The following KIAA1549L variants were observed in gnomAD, a reference collection of about 807,000 sequenced individuals.
The protein encoded by KIAA1549L is KIAA1549 like.
KIAA1549L carries 88 observed loss-of-function variants against 160.7 expected under a neutral mutation model. The ratio of observed to expected loss-of-function variants is 0.55; its 90% CI spans 0.46 to 0.65. The LOEUF is 0.65. Among genes scored for constraint, KIAA1549L ranks in the 30% least tolerant of loss-of-function variants. KIAA1549L has a pLI of 0.00. For synonymous variants in KIAA1549L, 950 were observed against 976.7 expected, an observed-to-expected ratio of 0.97 and a Z score of 0.51; for missense variants, 2,258 against 2,437.5, an observed-to-expected ratio of 0.93 and a Z score of 1.55.
At chr11:33,595,263 G>C (rs572704292) in intron 12 of KIAA1549L, among the ~76,000 whole-genome samples, 1 of 152,256 alleles carries the variant, frequency 6.6e-6, no homozygotes, top group East Asian at 1.9e-4. Context: ...GTCTCATTCT[G>C]TTGCCCAGGC....
chr11:33,629,549 C>T lies in KIAA1549L; in HGVS notation c.5409+10887C>T, dbSNP rs1287692563. 1.7e-4 allele frequency among the ~76,000 whole-genome samples: 26 copies of T among 151,756 alleles called. 1 individual carries two copies. Among genetic ancestry groups the T allele is most frequent in the Admixed American group, 2.0e-4 (3 of 15,234 alleles). Reference sequence around the variant, plus strand: ...TCATTTCATTCATTTCATCTTCCATCGCTGATACCCTTTCTTCCAGTTGAT... The same window carrying T: ...TCATTTCATTCATTTCATCTTCCATTGCTGATACCCTTTCTTCCAGTTGAT... On this transcript the variant is annotated intron_variant, in intron 16 of 20. Transcript: ENST00000658780.
intron 1 of KIAA1549L, among the ~76,000 whole-genome samples, chr11:33,475,006 T>C (rs886319816): frequency 1.3e-5 from 2 of 152,232 alleles, no homozygotes; most frequent in African/African-American, 4.8e-5. Context: ...TCAGGGAATA[T>C]GGTGTTGAGA....
chr11:33,448,773 T>C (rs1172592584), intron 1 of KIAA1549L, among the ~76,000 whole-genome samples: 1 of 152,216 alleles, frequency 6.6e-6, no homozygotes, highest in Non-Finnish European at 1.5e-5. Flanking sequence ...GATTTCCAAG[T>C]ACTGCATTTG....
chr11:33,407,224 A>AT (rs1850682362), intron 1 of KIAA1549L, among the ~76,000 whole-genome samples: 1 of 147,940 alleles, frequency 6.8e-6, no homozygotes, highest in Non-Finnish European at 1.5e-5. Context: ...AGCTGGGACT[A>AT]CAGGCGCCTG....
intron 1 of KIAA1549L, among the ~76,000 whole-genome samples, chr11:33,517,622 A>G (rs1350129312): frequency 6.6e-6 from 1 of 152,190 alleles, no homozygotes; most frequent in African/African-American, 2.4e-5. Flanking sequence ...TTTAATTCCA[A>G]TTTCAAAATG....
chr11:33,539,463 A>T (rs984538503), intron 1 of KIAA1549L, among the ~76,000 whole-genome samples: 57 of 152,230 alleles, frequency 3.7e-4, no homozygotes, highest in Admixed American at 3.5e-3. Context: ...AATTGCAGTG[A>T]CATAAAATAG....
chr11:33,638,433 A>AAAT (rs1554927330), intron 16 of KIAA1549L, among the ~76,000 whole-genome samples: 249 of 37,684 alleles, frequency 6.6e-3, no homozygotes, highest in Non-Finnish European at 9.1e-3. Context: ...AAAAAAAAAA[A>AAAT]AAATAAATAA....
chr11:33,554,542 G>A lies in KIAA1549L; in HGVS notation c.3855+2301G>A, dbSNP rs143554832. Reference sequence around the variant, plus strand: ...GCTTTGCTCTGCACGGGCATTGTCCGTGGCTCCCATGGGGTGGCCGCTCAC... The same window carrying A: ...GCTTTGCTCTGCACGGGCATTGTCCATGGCTCCCATGGGGTGGCCGCTCAC... On this transcript the variant is annotated intron_variant, in intron 6 of 20. Transcript: ENST00000658780. Among the ~76,000 whole-genome samples, 1,403 of 152,264 alleles carry A rather than the reference G, an allele frequency of 9.2e-3. 20 individuals are homozygous for A. The highest frequency in any genetic ancestry group is 0.039 in the South Asian group (188 of 4,824).
intron 13 of KIAA1549L, among the ~76,000 whole-genome samples, chr11:33,605,598 C>T (rs1240705881): frequency 6.6e-6 from 1 of 152,182 alleles, no homozygotes; most frequent in African/African-American, 2.4e-5. Flanking sequence ...TTTGACAAAT[C>T]TTCTGTGATT....
chr11:33,567,925 G>A (rs1212311282), intron 8 of KIAA1549L, 151 bp from the exon 9 acceptor site: 12 of 625,368 alleles, frequency 1.9e-5, no homozygotes, highest in Admixed American at 3.3e-5. Flanking sequence ...GGGCTGTCGC[G>A]AAGGTGAAGT....
intron 1 of KIAA1549L, among the ~76,000 whole-genome samples, chr11:33,391,975 G>A (rs1850280453): frequency 1.3e-5 from 2 of 152,224 alleles, no homozygotes; most frequent in South Asian, 4.1e-4. Flanking sequence ...TTATGAGACA[G>A]CTATTATTGT....
intron 1 of KIAA1549L, among the ~76,000 whole-genome samples, chr11:33,457,451 C>G (rs559752864): frequency 1.3e-5 from 2 of 152,316 alleles, no homozygotes; most frequent in South Asian, 2.1e-4. Flanking sequence ...GCATCTGGAC[C>G]TCTCAGCCAG....
chr11:33,632,537 C>T lies in KIAA1549L; in HGVS notation c.5410-13149C>T, dbSNP rs114440763. Among the ~76,000 whole-genome samples the T allele has an allele frequency of 2.8e-3, 421 of 152,258 alleles. 1 individual carries two copies. Among genetic ancestry groups the T allele is most frequent in the African/African-American group, 9.4e-3 (390 of 41,560 alleles). Reference sequence around the variant, plus strand: ...AAGGAGATGGATGCTGAGGCCATCACAGTGCCTGCTACAGTACCTGCTGCT... The same window carrying T: ...AAGGAGATGGATGCTGAGGCCATCATAGTGCCTGCTACAGTACCTGCTGCT... On this transcript the variant is annotated intron_variant, in intron 16 of 20. Transcript: ENST00000658780.
intron 3 of KIAA1549L, 25 bp from the exon 4 acceptor site, chr11:33,547,739 G>C (rs1171425227): frequency 6.8e-7 from 1 of 1,470,292 alleles, no homozygotes; most frequent in South Asian, 1.2e-5. Flanking sequence ...TTGCCTGATT[G>C]CCATGCTTCT....
In KIAA1549L at chr11:33,610,024, G is replaced by A; in HGVS notation, c.5279+58G>A. ...TGTATCATTGGTGGGATAAGGGCAGGCCTTGGGCAGTATATCCTGGTTCCT... is the reference window on the plus strand; with the variant it reads ...TGTATCATTGGTGGGATAAGGGCAGACCTTGGGCAGTATATCCTGGTTCCT... On this transcript the variant is annotated intron_variant, in intron 15 of 20. Coordinates refer to ENST00000658780, the MANE Select transcript of KIAA1549L (RefSeq NM_012194.3). 3 of 1,337,952 alleles carry A rather than the reference G, an allele frequency of 2.2e-6. No individual in the cohort carries two copies. The South Asian group carries it at 3.6e-5, about 16-fold the overall frequency. 82.9% of individuals were successfully genotyped at this position (1,337,952 alleles called of 1,614,324 possible).
At chr11:33,644,123 A>G (rs917788512) in intron 16 of KIAA1549L, among the ~76,000 whole-genome samples, 8 of 152,302 alleles carry the variant, frequency 5.3e-5, no homozygotes, top group Admixed American at 1.3e-4. Flanking sequence ...AAATATTACA[A>G]TATTTTAAAT....
intron 1 of KIAA1549L, among the ~76,000 whole-genome samples, chr11:33,416,271 G>C (rs1031752327): frequency 6.6e-6 from 1 of 151,992 alleles, no homozygotes; most frequent in African/African-American, 2.4e-5. Flanking sequence ...CTTGGATTTG[G>C]TTTCAGACCT....
At chr11:33,564,323 C>G (rs1296097964) in intron 8 of KIAA1549L, among the ~76,000 whole-genome samples, 1 of 152,230 alleles carries the variant, frequency 6.6e-6, no homozygotes, top group Non-Finnish European at 1.5e-5. Context: ...CTGCTCATTT[C>G]TAACAGCCAA....
chr11:33,541,162 C>T (rs1416722960), intron 1 of KIAA1549L, among the ~76,000 whole-genome samples: 1 of 152,174 alleles, frequency 6.6e-6, no homozygotes, highest in Non-Finnish European at 1.5e-5. Flanking sequence ...CTGGCCTCTG[C>T]AGGTGCTTAT....
Sources: gnomAD v4.1 joint callset for allele counts (sites outside exome capture counted in the v4.1 genomes callset) on GRCh38, gnomAD v4.1.1 for gene constraint, MANE v1.5 for transcripts, NCBI Gene and HGNC (gene_info 2026-07-23, HGNC 2026-07-21) for gene names.